VDR: variants seen among roughly 807,000 people sequenced by gnomAD.
VDR encodes vitamin D receptor, also known as vitamin D3 receptor.
Under a neutral mutation model 39.7 loss-of-function variants are expected in VDR, and 19 were observed. The observed-to-expected ratio is 0.48, with a 90% CI of 0.33 to 0.70. The LOEUF (loss-of-function observed/expected upper bound fraction) is 0.70. VDR is among the 30% of genes least tolerant of loss of function. The pLI is 0.02. For synonymous variants in VDR, 242 were observed against 215.8 expected, an observed-to-expected ratio of 1.12 and a Z score of -1.07; for missense variants, 442 against 570.5, an observed-to-expected ratio of 0.77 and a Z score of 2.29.
At chr12:47,858,080 GTGTGTGTC>G (rs1362552538) in intron 4 of VDR, among the ~76,000 whole-genome samples, 19 of 148,764 alleles carry the variant, frequency 1.3e-4, no homozygotes, top group African/African-American at 4.4e-4. Flanking sequence ...AAGTGTGTGT[GTGTGTGTC>G]TGTGTGTGTT....
At chr12:47,873,327 C>A (rs541399483) in intron 3 of VDR, among the ~76,000 whole-genome samples, 1 of 149,206 alleles carries the variant, frequency 6.7e-6, no homozygotes, top group African/African-American at 2.5e-5. Flanking sequence ...CCATGCAGAA[C>A]CATGAGTCAA....
At chr12:47,886,612 A>G (rs1030600332) in intron 1 of VDR, among the ~76,000 whole-genome samples, 1 of 152,228 alleles carries the variant, frequency 6.6e-6, no homozygotes, top group African/African-American at 2.4e-5. Flanking sequence ...TCTTTTAAAT[A>G]TGTGTAAGAA....
chr12:47,854,632 C>T (rs966455255), intron 7 of VDR, among the ~76,000 whole-genome samples: 1 of 152,188 alleles, frequency 6.6e-6, no homozygotes, highest in African/African-American at 2.4e-5. Flanking sequence ...CCAGTCAAGC[C>T]AGCTGGAGTG....
At chr12:47,898,767 CAG>C (rs1408566059) in intron 1 of VDR, 6 of 155,444 alleles carry the variant, frequency 3.9e-5, no homozygotes, top group African/African-American at 1.4e-4. Context: ...GAGTGCATCA[CAG>C]AGAACACACA....
At chr12:47,846,847 A>C in intron 7 of VDR, 39 bp from the exon 8 acceptor site, 4 of 1,612,978 alleles carry the variant, frequency 2.5e-6, no homozygotes, top group Non-Finnish European at 2.5e-6. Flanking sequence ...GTTACCAGTA[A>C]ACGCCTTCAA....
At chr12:47,903,106 G>A (rs1176147178) in intron 1 of VDR, among the ~76,000 whole-genome samples, 1 of 152,234 alleles carries the variant, frequency 6.6e-6, no homozygotes, top group African/African-American at 2.4e-5. Flanking sequence ...TGCCGAAGAG[G>A]AGTAAAGGGT....
At chr12:47,904,181 C>A (rs375648945) in intron 1 of VDR, among the ~76,000 whole-genome samples, 2 of 151,984 alleles carry the variant, frequency 1.3e-5, no homozygotes, top group South Asian at 2.1e-4. Flanking sequence ...GCTCCCCCAG[C>A]CCAGGCTAGG....
At chr12:47,845,378 C>G (rs2137120266) in intron 9 of VDR, among the ~76,000 whole-genome samples, 1 of 151,958 alleles carries the variant, frequency 6.6e-6, no homozygotes, top group Non-Finnish European at 1.5e-5. Flanking sequence ...CTTACTGATC[C>G]TTTGGATAAC....
At chr12:47,882,232 A>C (rs1232765275) in intron 2 of VDR, among the ~76,000 whole-genome samples, 1 of 152,048 alleles carries the variant, frequency 6.6e-6, no homozygotes, top group Non-Finnish European at 1.5e-5. Flanking sequence ...AGTGAATGAG[A>C]CCATTTCAGG....
chr12:47,848,436 G>A (rs544343513), intron 7 of VDR, among the ~76,000 whole-genome samples: 4 of 151,814 alleles, frequency 2.6e-5, no homozygotes, highest in African/African-American at 4.8e-5. Context: ...CTGGAGCCCC[G>A]CACCTTCTGA....
chr12:47,892,252 C>T (rs1314708327), intron 1 of VDR, among the ~76,000 whole-genome samples: 1 of 152,238 alleles, frequency 6.6e-6, no homozygotes, highest in Non-Finnish European at 1.5e-5. Flanking sequence ...TTTGCCCAAA[C>T]GTACCGTCTC....
chr12:47,858,624 C>G (rs189465201), intron 4 of VDR, among the ~76,000 whole-genome samples: 258 of 152,368 alleles, frequency 1.7e-3, no homozygotes, highest in African/African-American at 5.7e-3. Flanking sequence ...AGCAAAGGTG[C>G]CTGGCACGGC....
rs11574090 is a variant in VDR at position 47,855,697 on chromosome 12, G to C, written c.688C>G (p.Leu230Val). The change falls in exon 7 of 10, where the codon CTG (leucine) becomes GTG (valine). Residue 230 changes from leucine to valine, a missense_variant. Physicochemically the swap from Leu to Val is conservative, Grantham distance 32. Transcript: ENST00000549336. ...ATGCTGTAACTGACCAGGTCAGCCA[G>C]GTGGGGCAGCATGGAGAGCTGGGAC... ...ELSQLSMLPHLADLVSYSIQK... is the reference protein window; with the variant it reads ...ELSQLSMLPHVADLVSYSIQK... 1.1e-5 allele frequency: 17 copies of C among 1,614,088 alleles called. No individual in the cohort carries two copies. The African/African-American group carries it at 2.3e-4, about 22-fold the overall frequency.
chr12:47,869,739 TA>T (rs1372273457), intron 3 of VDR, among the ~76,000 whole-genome samples: 1 of 151,268 alleles, frequency 6.6e-6, no homozygotes, highest in Non-Finnish European at 1.5e-5. Context: ...TACAAAAGAT[TA>T]AAAAAAATTA....
rs199583004 is a variant in VDR at position 47,844,896 on chromosome 12, C to A, written c.1134G>T (p.Leu378=). ...RCRHPPPGSH[L]LYAKMIQKLA... is the part of the protein sequence containing the mutation. The stretch of plus-strand genomic sequence containing the variant: ...GCTTCTGGATCATCTTGGCATAGAG[C>A]AGGTGGCTGCCCGGGGGCGGGTGGC... The change falls in exon 10 of 10, where the codon CTG becomes CTT. Residue 378 remains leucine (L), a synonymous_variant. Coordinates refer to ENST00000549336, the MANE Select transcript of VDR (RefSeq NM_000376.3). The A allele has an allele frequency of 1.4e-5, 22 of 1,614,182 alleles. No individual in the cohort carries two copies. In the East Asian group the frequency reaches 4.0e-4, roughly 29 times the overall value.
intron 1 of VDR, 132 bp from the exon 2 acceptor site, chr12:47,882,906 G>A: frequency 1.5e-6 from 1 of 682,796 alleles, no homozygotes. Flanking sequence ...AACAGAAGTG[G>A]CTTGTTGGGA....
chr12:47,854,637 G>A (rs1325226384), intron 7 of VDR, among the ~76,000 whole-genome samples: 1 of 152,218 alleles, frequency 6.6e-6, no homozygotes, highest in Non-Finnish European at 1.5e-5. Context: ...CAAGCCAGCT[G>A]GAGTGAACAC....
intron 1 of VDR, among the ~76,000 whole-genome samples, chr12:47,886,679 C>G (rs1163549401): frequency 6.6e-6 from 1 of 152,008 alleles, no homozygotes; most frequent in Non-Finnish European, 1.5e-5. Context: ...CAAGAGATAA[C>G]ATTCAGCTCT....
intron 4 of VDR, among the ~76,000 whole-genome samples, chr12:47,864,124 C>A (rs1346404945): frequency 6.6e-6 from 1 of 152,196 alleles, no homozygotes; most frequent in Non-Finnish European, 1.5e-5. Flanking sequence ...GGTCTGGATG[C>A]AGATGGCAGA....
Sources: gnomAD v4.1 joint callset for allele counts (sites outside exome capture counted in the v4.1 genomes callset) on GRCh38, gnomAD v4.1.1 for gene constraint, MANE v1.5 for transcripts, NCBI Gene and HGNC (gene_info 2026-07-23, HGNC 2026-07-21) for gene names.